Variants in SEC11C observed in about 807,000 individuals in gnomAD.
The protein encoded by SEC11C is signal peptidase complex catalytic subunit SEC11C.
SEC11C carries 10 observed loss-of-function variants against 21.9 expected under a neutral mutation model. That is an observed-to-expected ratio of 0.46 (90% CI 0.28 to 0.77). The LOEUF (loss-of-function observed/expected upper bound fraction) is 0.77. SEC11C is among the 30% of genes least tolerant of loss of function. The pLI, the probability that SEC11C is intolerant of heterozygous loss-of-function variation, is 0.12. For synonymous variants in SEC11C, 83 were observed against 85.6 expected, an observed-to-expected ratio of 0.97 and a Z score of 0.17; for missense variants, 145 against 244.5, an observed-to-expected ratio of 0.59 and a Z score of 2.71.
Position 59,141,678 on chromosome 18 carries a change from C to T in SEC11C, c.87+1643C>T, listed in dbSNP as rs202026621. ...AAAAGCTTTGTCTTTTTTTTTTTTT[C>T]TCTTCTTCCCTCCAAAATAGCATCT... On this transcript the variant is annotated intron_variant, in intron 1 of 5. Coordinates refer to ENST00000587834, the MANE Select transcript of SEC11C (RefSeq NM_033280.4). Among the ~76,000 whole-genome samples the T allele has an allele frequency of 5.5e-3, 648 of 116,806 alleles. 3 individuals are homozygous for T. The highest frequency in any genetic ancestry group is 0.017 in the African/African-American group (494 of 29,328). The allele number at this position is 116,806 out of a possible 152,430, so 76.6% of individuals were successfully genotyped here.
chr18:59,146,729 AAG>A (rs958173964), intron 1 of SEC11C, among the ~76,000 whole-genome samples: 1 of 151,968 alleles, frequency 6.6e-6, no homozygotes, highest in Non-Finnish European at 1.5e-5. Context: ...TGTGAAGGAG[AAG>A]AGAGTGTGAA....
intron 4 of SEC11C, 175 bp from the exon 5 acceptor site, chr18:59,157,433 T>C (rs2069430517): frequency 1.9e-6 from 1 of 526,762 alleles, no homozygotes. Flanking sequence ...CCAGTGCTGA[T>C]GCTCCTTACT....
intron 1 of SEC11C, among the ~76,000 whole-genome samples, chr18:59,149,150 C>T (rs1165048155): frequency 6.6e-6 from 1 of 152,212 alleles, no homozygotes; most frequent in Non-Finnish European, 1.5e-5. Flanking sequence ...CCATGCTGCG[C>T]TGTGTCTGGG....
Position 59,145,261 on chromosome 18 carries a change from G to GTCTAT in SEC11C, c.88-4251_88-4247dup, listed in dbSNP as rs779050258. Among the ~76,000 whole-genome samples the GTCTAT allele has an allele frequency of 1.1e-3, 161 of 152,306 alleles. 1 individual carries two copies. Among genetic ancestry groups the GTCTAT allele is most frequent in the South Asian group, 2.5e-3 (12 of 4,832 alleles). On this transcript the variant is annotated intron_variant, in intron 1 of 5. Coordinates refer to ENST00000587834, the MANE Select transcript of SEC11C (RefSeq NM_033280.4). ...GGCCATGCTCTTTCTTTTACATATT[G>GTCTAT]TCTATGGCTGCTTTCCCGCTACATT...
intron 1 of SEC11C, among the ~76,000 whole-genome samples, chr18:59,143,804 C>T (rs1157196607): frequency 6.6e-6 from 1 of 151,664 alleles, no homozygotes; most frequent in Non-Finnish European, 1.5e-5. Flanking sequence ...TCCTCCACTC[C>T]CATTAAGTTC....
Position 59,155,817 on chromosome 18 carries a change from C to T in SEC11C, c.467+10C>T. On this transcript the variant is annotated intron_variant, in intron 4 of 5. Coordinates refer to ENST00000587834, the MANE Select transcript of SEC11C (RefSeq NM_033280.4). ...TGGGAAGAGCAAGAGGGTGAGGATT[C>T]ACCTTTAAGTTATATAGAAGGTTAT... 1 of 1,613,172 alleles carries T rather than the reference C, an allele frequency of 6.2e-7. No homozygotes were observed. Among genetic ancestry groups the T allele is most frequent in the Non-Finnish European group, 8.5e-7 (1 of 1,179,646 alleles).
At chr18:59,143,655 C>G (rs1193362715) in intron 1 of SEC11C, among the ~76,000 whole-genome samples, 1 of 152,108 alleles carries the variant, frequency 6.6e-6, no homozygotes, top group East Asian at 1.9e-4. Context: ...CCTCTCTTAG[C>G]GTCTTGGGGC....
chr18:59,155,832 T>C (rs1332443516), intron 4 of SEC11C, 25 bp downstream of exon 4: 3 of 1,609,446 alleles, frequency 1.9e-6, no homozygotes, highest in African/African-American at 1.3e-5. Flanking sequence ...TTAAGTTATA[T>C]AGAAGGTTAT....
intron 1 of SEC11C, among the ~76,000 whole-genome samples, chr18:59,142,509 T>G (rs2069223684): frequency 6.6e-6 from 1 of 152,222 alleles, no homozygotes; most frequent in Non-Finnish European, 1.5e-5. Context: ...ATCCTTTAAG[T>G]CAGGCAGAGC....
intron 1 of SEC11C, among the ~76,000 whole-genome samples, chr18:59,140,503 A>G (rs1358406936): frequency 6.6e-6 from 1 of 152,220 alleles, no homozygotes; most frequent in African/African-American, 2.4e-5. Flanking sequence ...ATGCCTCCCA[A>G]AGCAGTTTCT....
At chr18:59,150,340 A>T (rs1280655905) in intron 2 of SEC11C, among the ~76,000 whole-genome samples, 1 of 152,192 alleles carries the variant, frequency 6.6e-6, no homozygotes, top group Non-Finnish European at 1.5e-5. Context: ...GCAGGAGTTG[A>T]GGCTAGAACA....
intron 3 of SEC11C, among the ~76,000 whole-genome samples, chr18:59,154,263 C>G (rs17065517): frequency 0.053 from 8,084 of 152,234 alleles, 764 homozygotes; most frequent in African/African-American, 0.18. Context: ...ATTATTTGCT[C>G]TAATTTGCAT....
At chr18:59,154,723 G>C (rs946669499) in intron 3 of SEC11C, among the ~76,000 whole-genome samples, 1 of 152,188 alleles carries the variant, frequency 6.6e-6, no homozygotes, top group Non-Finnish European at 1.5e-5. Flanking sequence ...GTGTGATCTA[G>C]GATCAAGTTT....
At chr18:59,141,159 C>G (rs1245192701) in intron 1 of SEC11C, among the ~76,000 whole-genome samples, 1 of 152,112 alleles carries the variant, frequency 6.6e-6, no homozygotes, top group Non-Finnish European at 1.5e-5. Context: ...TCTCACTCTC[C>G]TCCCCCTTCC....
intron 1 of SEC11C, chr18:59,147,684 G>T (rs2069292792): frequency 6.6e-6 from 1 of 151,850 alleles, no homozygotes; most frequent in African/African-American, 2.4e-5. Flanking sequence ...GGGACCGTAG[G>T]GCTGAAATCA....
intron 1 of SEC11C, among the ~76,000 whole-genome samples, chr18:59,143,679 T>A (rs907777145): frequency 6.6e-6 from 1 of 152,160 alleles, no homozygotes; most frequent in African/African-American, 2.4e-5. Flanking sequence ...TCTTTGTATT[T>A]GTTTTATCGT....
chr18:59,155,551 C>T, intron 3 of SEC11C, 137 bp from the exon 4 acceptor site: 2 of 798,278 alleles, frequency 2.5e-6, no homozygotes, highest in South Asian at 1.8e-5. Context: ...TCATCTTAGA[C>T]TAAAGGAAGG....
intron 1 of SEC11C, among the ~76,000 whole-genome samples, chr18:59,146,230 T>C (rs1352839033): frequency 6.6e-6 from 1 of 152,104 alleles, no homozygotes; most frequent in Non-Finnish European, 1.5e-5. Context: ...ATGTATAGAA[T>C]GAATGGGTAG....
intron 4 of SEC11C, 75 bp from the exon 5 acceptor site, chr18:59,157,533 A>G (rs1014680704): frequency 1.4e-5 from 14 of 967,354 alleles, no homozygotes; most frequent in Non-Finnish European, 2.2e-5. Context: ...AGACTGATCT[A>G]TAGTGTTTTC....
Sources: allele counts gnomAD v4.1 joint callset (sites outside exome capture counted in the v4.1 genomes callset), GRCh38; gene constraint gnomAD v4.1.1; transcripts MANE v1.5; gene names NCBI Gene and HGNC (gene_info 2026-07-23, HGNC 2026-07-21).